The following ARHGEF3 variants were observed in gnomAD, a reference collection of about 807,000 sequenced individuals.
The protein encoded by ARHGEF3 is Rho guanine nucleotide exchange factor 3, also known as 59.8 kDA protein.
A neutral mutation model predicts 63.2 loss-of-function variants in ARHGEF3; 28 were observed. That is an observed-to-expected ratio of 0.44 (90% CI 0.33 to 0.61). The LOEUF (loss-of-function observed/expected upper bound fraction) is 0.61, where lower values mean the gene tolerates loss of function less well. ARHGEF3 is among the 20% of genes least tolerant of loss of function. The pLI is 0.03. For synonymous variants in ARHGEF3, 266 were observed against 254.2 expected, an observed-to-expected ratio of 1.05 and a Z score of -0.44; for missense variants, 533 against 659.3, an observed-to-expected ratio of 0.81 and a Z score of 2.10.
At chr3:56,847,556 A>G (rs1481899937) in intron 4 of ARHGEF3, among the ~76,000 whole-genome samples, 1 of 152,104 alleles carries the variant, frequency 6.6e-6, no homozygotes, top group African/African-American at 2.4e-5. Flanking sequence ...CTTTAAGAGC[A>G]TTTATCCTTG....
chr3:56,737,744 G>A (rs1165354909), intron 7 of ARHGEF3, among the ~76,000 whole-genome samples: 2 of 152,180 alleles, frequency 1.3e-5, no homozygotes, highest in Non-Finnish European at 2.9e-5. Context: ...AAAGCAGAAT[G>A]TAAGAGTCCA....
rs1479624501 is a variant in ARHGEF3, at chr3:56,728,914, G to A, written c.*356C>T. ...ATCTAAGAGCTGGGAAAGTGGTACA[G>A]AAGCACAAGAGGAAGGACTCTTCAA... On this transcript the variant is annotated 3_prime_UTR_variant, in exon 10 of 10. Coordinates refer to ENST00000296315, the MANE Select transcript of ARHGEF3 (RefSeq NM_019555.3). 1.0e-5 allele frequency: 2 copies of A among 199,870 alleles called. No homozygotes were observed. Among genetic ancestry groups the A allele is most frequent in the Non-Finnish European group, 2.1e-5 (2 of 96,808 alleles). 12.4% of individuals were successfully genotyped at this position (199,870 alleles called of 1,614,324 possible).
intron 3 of ARHGEF3, among the ~76,000 whole-genome samples, chr3:56,929,722 C>A (rs2042362480): frequency 6.6e-6 from 1 of 152,160 alleles, no homozygotes; most frequent in Non-Finnish European, 1.5e-5. Flanking sequence ...AACTCAAACA[C>A]TATGTATCTT....
intron 8 of ARHGEF3, among the ~76,000 whole-genome samples, chr3:56,733,669 G>A (rs995195056): frequency 3.9e-5 from 6 of 151,932 alleles, no homozygotes; most frequent in African/African-American, 1.5e-4. Context: ...GGGGACCAGA[G>A]TATGCTGCCA....
intron 1 of ARHGEF3, chr3:57,079,122 C>T: frequency 2.8e-6 from 1 of 353,662 alleles, no homozygotes; most frequent in Non-Finnish European, 5.1e-6. Context: ...GACCGGAAGA[C>T]GGTCTCACTC....
At chr3:56,910,498 A>C (rs747682262) in intron 3 of ARHGEF3, among the ~76,000 whole-genome samples, 1 of 152,208 alleles carries the variant, frequency 6.6e-6, no homozygotes, top group Non-Finnish European at 1.5e-5. Context: ...ATATAATCTC[A>C]GACCATATGC....
intron 1 of ARHGEF3, among the ~76,000 whole-genome samples, chr3:57,049,071 T>A (rs1353150865): frequency 6.6e-6 from 1 of 152,190 alleles, no homozygotes; most frequent in Non-Finnish European, 1.5e-5. Context: ...ATCTGAACTT[T>A]AAAGATCCCT....
At chr3:56,966,364 T>C (rs1700495463) in intron 2 of ARHGEF3, among the ~76,000 whole-genome samples, 1 of 152,272 alleles carries the variant, frequency 6.6e-6, no homozygotes, top group African/African-American at 2.4e-5. Context: ...ACTGATTACA[T>C]AGCTGGGGTG....
intron 2 of ARHGEF3, among the ~76,000 whole-genome samples, chr3:57,013,592 A>T (rs1457379852): frequency 6.6e-6 from 1 of 151,458 alleles, no homozygotes; most frequent in Non-Finnish European, 1.5e-5. Context: ...GACTTGGAGA[A>T]CTTTTGTGTC....
chr3:56,736,294 T>C (rs1009272598), intron 8 of ARHGEF3, among the ~76,000 whole-genome samples: 7 of 152,192 alleles, frequency 4.6e-5, no homozygotes, highest in African/African-American at 1.7e-4. Flanking sequence ...AATGGAGAAT[T>C]GCAAATCACT....
chr3:56,947,422 G>C (rs1699567534), intron 3 of ARHGEF3, among the ~76,000 whole-genome samples: 1 of 152,156 alleles, frequency 6.6e-6, no homozygotes, highest in African/African-American at 2.4e-5. Context: ...AAAATAAAGG[G>C]ATGGAGGAAG....
At chr3:56,748,350 G>A (rs930105612) in intron 6 of ARHGEF3, among the ~76,000 whole-genome samples, 8 of 152,088 alleles carry the variant, frequency 5.3e-5, no homozygotes, top group African/African-American at 1.9e-4. Context: ...TTTTATTGAA[G>A]AAACTGTCGT....
At chr3:56,792,113 A>AAAAG (rs2037110762) in intron 1 of ARHGEF3, among the ~76,000 whole-genome samples, 2 of 139,984 alleles carry the variant, frequency 1.4e-5, no homozygotes, top group African/African-American at 5.9e-5. Context: ...CAAAAAAAAA[A>AAAAG]AAAAGAAAAG....
chr3:56,849,276 A>G (rs2039591882), intron 4 of ARHGEF3, among the ~76,000 whole-genome samples: 1 of 152,220 alleles, frequency 6.6e-6, no homozygotes, highest in Non-Finnish European at 1.5e-5. Flanking sequence ...AGTGTGCATG[A>G]GAAGCTAAAA....
At chr3:56,751,452 T>C (rs1264753022) in intron 4 of ARHGEF3, 56 bp from the exon 5 acceptor site, 6 of 1,479,310 alleles carry the variant, frequency 4.1e-6, no homozygotes, top group Non-Finnish European at 5.6e-6. Context: ...GGAAGTACAT[T>C]GTTCATGTAA....
At chr3:56,865,460 A>G (rs1261899138) in intron 4 of ARHGEF3, among the ~76,000 whole-genome samples, 1 of 152,256 alleles carries the variant, frequency 6.6e-6, no homozygotes, top group Non-Finnish European at 1.5e-5. Context: ...ATGTAAAGGA[A>G]GATAATTTAT....
chr3:56,729,509 T>C lies in ARHGEF3; in HGVS notation c.1342A>G (p.Lys448Glu). The stretch of plus-strand genomic sequence containing the variant: ...CCGGCAGCACACAAAACTGTTTCTT[T>C]GGCTTGACGAATACAGTTAAGCCAC... ...QQWLNCIRQA[K>E]ETVLCAAGQA... Residue 448 changes from lysine to glutamate, a missense_variant, in exon 10 of 10, where the codon AAA becomes GAA. Around this residue, in one of 4 missense-constraint regions of ARHGEF3, gnomAD observed 115 missense variants for 103.4 expected, o/e 1.11. Coordinates refer to ENST00000296315, the MANE Select transcript of ARHGEF3 (RefSeq NM_019555.3). 1 of 1,614,218 alleles carries C rather than the reference T, an allele frequency of 6.2e-7. No individual in the cohort carries two copies.
chr3:57,073,821 C>T, intron 1 of ARHGEF3: 1 of 1,614,236 alleles, frequency 6.2e-7, no homozygotes, highest in Non-Finnish European at 8.5e-7. Context: ...ATCCACCCAA[C>T]ATCCCAACAA....
intron 4 of ARHGEF3, among the ~76,000 whole-genome samples, chr3:56,861,777 T>C (rs1234167558): frequency 6.6e-6 from 1 of 151,578 alleles, no homozygotes; most frequent in Non-Finnish European, 1.5e-5. Context: ...GCCGGAAGCA[T>C]CCCCTCTTCC....
Sources: allele counts gnomAD v4.1 joint callset (sites outside exome capture counted in the v4.1 genomes callset), GRCh38; gene constraint gnomAD v4.1.1; regional missense constraint gnomAD v4.1.1; transcripts MANE v1.5; gene names NCBI Gene and HGNC (gene_info 2026-07-23, HGNC 2026-07-21).